RBFOX2: variants seen among roughly 807,000 people sequenced by gnomAD.
RBFOX2 encodes RNA binding fox-1 homolog 2.
Under a neutral mutation model 49.1 loss-of-function variants are expected in RBFOX2, and 10 were observed. That is an observed-to-expected ratio of 0.20 (90% CI 0.13 to 0.35). The LOEUF (loss-of-function observed/expected upper bound fraction) is 0.35, where lower values mean the gene tolerates loss of function less well. Ranked by LOEUF, RBFOX2 falls within the 10% of genes least tolerant of loss-of-function variation. RBFOX2 has a pLI of 1.00. For synonymous variants in RBFOX2, 183 were observed against 187.4 expected (o/e 0.98, Z 0.19); for missense variants, 323 against 486.9 (o/e 0.66, Z 3.17).
chr22:35,927,880 G>C (rs1341479473), intron 1 of RBFOX2, among the ~76,000 whole-genome samples: 2 of 152,118 alleles, frequency 1.3e-5, no homozygotes, highest in Non-Finnish European at 2.9e-5. Context: ...TCCTGAGCTA[G>C]AAATTTCAAA....
At chr22:35,928,158 T>TGCCTAAAGG (rs2051897237) in intron 1 of RBFOX2, among the ~76,000 whole-genome samples, 1 of 152,114 alleles carries the variant, frequency 6.6e-6, no homozygotes, top group East Asian at 1.9e-4. Flanking sequence ...AACAAAAACT[T>TGCCTAAAGG]GCCTAAAGTC....
intron 1 of RBFOX2, among the ~76,000 whole-genome samples, chr22:35,944,960 C>A (rs1317666401): frequency 6.6e-6 from 1 of 151,886 alleles, no homozygotes; most frequent in African/African-American, 2.4e-5. Flanking sequence ...ACAACGACAA[C>A]AAAAAAACAA....
At chr22:35,869,979 TCTCTTA>T (rs147169581) in intron 1 of RBFOX2, among the ~76,000 whole-genome samples, 109 of 152,332 alleles carry the variant, frequency 7.2e-4, no homozygotes, top group Non-Finnish European at 1.1e-3. Context: ...AACTATACAG[TCTCTTA>T]CTCTAACACT....
At chr22:35,872,038 A>C (rs912275120) in intron 1 of RBFOX2, among the ~76,000 whole-genome samples, 1 of 152,200 alleles carries the variant, frequency 6.6e-6, no homozygotes, top group Non-Finnish European at 1.5e-5. Flanking sequence ...TAGAGTTCAA[A>C]TCAGTTCAGC....
intron 1 of RBFOX2, among the ~76,000 whole-genome samples, chr22:35,847,772 C>T (rs2041406614): frequency 6.6e-6 from 1 of 151,964 alleles, no homozygotes; most frequent in South Asian, 2.1e-4. Context: ...AATAAACCTA[C>T]AAATGGAGTA....
At chr22:35,844,486 T>G (rs1311303044), upstream of RBFOX2, among the ~76,000 whole-genome samples, 10 of 152,004 alleles carry the variant, frequency 6.6e-5, no homozygotes, top group Non-Finnish European at 1.2e-4. Context: ...ATCTTCAAAT[T>G]TATAAATTTA....
At chr22:35,920,200 T>C (rs1255097762) in intron 1 of RBFOX2, among the ~76,000 whole-genome samples, 1 of 152,238 alleles carries the variant, frequency 6.6e-6, no homozygotes, top group Non-Finnish European at 1.5e-5. Flanking sequence ...AACTAATGTA[T>C]CTAATTGCAT....
At chr22:36,009,987 T>C (rs1004741159) in intron 1 of RBFOX2, among the ~76,000 whole-genome samples, 2 of 152,186 alleles carry the variant, frequency 1.3e-5, no homozygotes, top group Non-Finnish European at 2.9e-5. Flanking sequence ...TGTGCCACCA[T>C]TTCCTAAAAC....
chr22:36,026,750 A>G (rs868007671), intron 1 of RBFOX2, among the ~76,000 whole-genome samples: 9 of 152,216 alleles, frequency 5.9e-5, no homozygotes, highest in Admixed American at 1.3e-4. Flanking sequence ...GCAGGCAAAC[A>G]AAACAAAAGA....
At chr22:35,803,517 A>G (rs2147938924) in intron 2 of RBFOX2, among the ~76,000 whole-genome samples, 1 of 152,230 alleles carries the variant, frequency 6.6e-6, no homozygotes, top group South Asian at 2.1e-4. Flanking sequence ...CTCTACAAAA[A>G]AATACAAAAA....
chr22:35,788,520 A>G (rs552019706), intron 2 of RBFOX2, among the ~76,000 whole-genome samples: 5 of 152,330 alleles, frequency 3.3e-5, no homozygotes, highest in South Asian at 2.1e-4. Flanking sequence ...TCATGGCTGA[A>G]AATATCTATT....
At position 35,868,344 on chromosome 22, in the gene RBFOX2, G is replaced by A. The variant is rs973548147; in HGVS notation, c.-33-58340C>T. Among the ~76,000 whole-genome samples, 7 of 152,336 alleles carry A rather than the reference G, an allele frequency of 4.6e-5. No homozygotes were observed. In the East Asian group the frequency reaches 5.8e-4, roughly 13 times the overall value. Reference sequence around the variant, plus strand: ...ATCAAATAAGGACCAATACTAATATGTAGAACCTTCATAGAAAGTGTAGGT... The same window carrying A: ...ATCAAATAAGGACCAATACTAATATATAGAACCTTCATAGAAAGTGTAGGT... On this transcript the variant is annotated intron_variant, in intron 1 of 13. Coordinates refer to the RBFOX2 transcript ENST00000359369.
At chr22:35,758,726 T>A (rs1171821817) in intron 9 of RBFOX2, among the ~76,000 whole-genome samples, 1 of 152,186 alleles carries the variant, frequency 6.6e-6, no homozygotes, top group Non-Finnish European at 1.5e-5. Flanking sequence ...TTCCAGTGTC[T>A]TTTGGAGCCT....
At chr22:35,926,517 T>G (rs1371622048) in intron 1 of RBFOX2, among the ~76,000 whole-genome samples, 5 of 152,126 alleles carry the variant, frequency 3.3e-5, no homozygotes, top group Non-Finnish European at 7.4e-5. Context: ...GATCCATCCA[T>G]TAACAAAATA....
At chr22:35,849,138 T>G (rs1030100769) in intron 1 of RBFOX2, among the ~76,000 whole-genome samples, 1 of 152,154 alleles carries the variant, frequency 6.6e-6, no homozygotes, top group African/African-American at 2.4e-5. Context: ...ACTTTATATA[T>G]TACCTTTCTG....
At chr22:35,991,158 G>A (rs1157891173) in intron 1 of RBFOX2, among the ~76,000 whole-genome samples, 3 of 152,046 alleles carry the variant, frequency 2.0e-5, no homozygotes, top group Non-Finnish European at 4.4e-5. Context: ...GATAGAGGAT[G>A]TAAAGTCCTG....
chr22:35,886,245 A>G (rs1288666576), intron 1 of RBFOX2, among the ~76,000 whole-genome samples: 1 of 152,158 alleles, frequency 6.6e-6, no homozygotes, highest in East Asian at 1.9e-4. Context: ...ATATCTGTGG[A>G]ATGTCTATTC....
chr22:35,791,901 G>C (rs1947748250), intron 2 of RBFOX2, among the ~76,000 whole-genome samples: 1 of 152,132 alleles, frequency 6.6e-6, no homozygotes, highest in African/African-American at 2.4e-5. Flanking sequence ...TAGTGTAAGG[G>C]ACATAGTTCT....
intron 1 of RBFOX2, among the ~76,000 whole-genome samples, chr22:35,857,069 C>A (rs1404974076): frequency 6.6e-6 from 1 of 152,068 alleles, no homozygotes; most frequent in Non-Finnish European, 1.5e-5. Flanking sequence ...GCAAGACTGA[C>A]TGACTAAGGG....
Sources: gnomAD v4.1 joint callset for allele counts (sites outside exome capture counted in the v4.1 genomes callset) on GRCh38, gnomAD v4.1.1 for gene constraint, MANE v1.5 for transcripts, NCBI Gene and HGNC (gene_info 2026-07-23, HGNC 2026-07-21) for gene names.